Variants in KMT2C observed in about 807,000 individuals in gnomAD.
KMT2C encodes histone-lysine N-methyltransferase 2C.
Under a neutral mutation model 507.9 loss-of-function variants are expected in KMT2C, and 88 were observed. The observed-to-expected ratio is 0.17, with a 90% CI of 0.15 to 0.21. The LOEUF (loss-of-function observed/expected upper bound fraction) is 0.21. Ranked by LOEUF, KMT2C falls within the 10% of genes least tolerant of loss-of-function variation. KMT2C has a pLI of 1.00. For synonymous variants in KMT2C, 2,049 were observed against 2,080.8 expected (o/e 0.98, Z 0.42); for missense variants, 4,954 against 5,957.8 (o/e 0.83, Z 5.55).
At chr7:152,243,600 G>A (rs1288081746) in intron 14 of KMT2C, among the ~76,000 whole-genome samples, 2 of 152,010 alleles carry the variant, frequency 1.3e-5, no homozygotes, top group East Asian at 3.9e-4. Context: ...TAACCAATAT[G>A]GCGAAACACC....
intron 1 of KMT2C, among the ~76,000 whole-genome samples, chr7:152,381,506 A>C (rs1038149464): frequency 3.3e-5 from 5 of 152,206 alleles, no homozygotes; most frequent in Non-Finnish European, 7.3e-5. Context: ...AAATCTGTTC[A>C]AGAGCAACAC....
chr7:152,176,493 A>T lies in KMT2C; in HGVS notation c.8960T>A (p.Val2987Glu), dbSNP rs2129113142. Residue 2987 changes from valine to glutamate, a missense_variant, in exon 38 of 59, where the codon GTG becomes GAG. This residue lies in a region of KMT2C where 1,689 missense variants were observed against 1,654.3 expected (regional missense o/e 1.02). Transcript: ENST00000262189. ...TGGAATGAGCCCTGGGTTTACCTGC[A>T]CACCCTGAGAAAAAACATGGTTTAC... ...SRVNHVFSQG[V>E]QVNPGLIPGQ... 6.2e-7 allele frequency: 1 copy of T among 1,614,144 alleles called. No homozygotes were observed. The highest frequency in any genetic ancestry group is 1.1e-5 in the South Asian group (1 of 91,082).
intron 55 of KMT2C, among the ~76,000 whole-genome samples, chr7:152,143,763 A>C (rs2090835337): frequency 6.6e-6 from 1 of 152,264 alleles, no homozygotes; most frequent in Admixed American, 6.5e-5. Context: ...ATCAATAAAG[A>C]GAAGATCCTA....
chr7:152,173,060 G>A (rs2093036634), intron 39 of KMT2C, among the ~76,000 whole-genome samples: 1 of 150,994 alleles, frequency 6.6e-6, no homozygotes, highest in Non-Finnish European at 1.5e-5. Context: ...ACATAAAACA[G>A]TTAGGAATCT....
chr7:152,358,562 C>G (rs2129231348), intron 2 of KMT2C, 25 bp downstream of exon 2: 1 of 1,392,794 alleles, frequency 7.2e-7, no homozygotes, highest in African/African-American at 1.4e-5. Context: ...ATTATACATT[C>G]TTATAAATTC....
intron 7 of KMT2C, among the ~76,000 whole-genome samples, chr7:152,265,760 A>C (rs2095849411): frequency 6.6e-6 from 1 of 152,076 alleles, no homozygotes; most frequent in Non-Finnish European, 1.5e-5. Flanking sequence ...CCTTATGTGG[A>C]AGAACATTAA....
chr7:152,144,097 G>A lies in KMT2C; in HGVS notation c.14343+616C>T, dbSNP rs917552156. Among the ~76,000 whole-genome samples, 5 of 152,208 alleles carry A rather than the reference G, an allele frequency of 3.3e-5. No individual in the cohort carries two copies. The highest frequency in any genetic ancestry group is 1.3e-4 in the Admixed American group (2 of 15,284). On this transcript the variant is annotated intron_variant, in intron 55 of 58. Transcript: ENST00000262189. This position sits in a 1 kb window ranked among gnomAD's most constrained non-coding sequence, Gnocchi z 4.4. Reference sequence around the variant, plus strand: ...CTCAGCAAGGAGCTTGTAGGATGGCGGGGTTTAGGAGCTGGACAAGTTTGA... The same window carrying A: ...CTCAGCAAGGAGCTTGTAGGATGGCAGGGTTTAGGAGCTGGACAAGTTTGA...
At chr7:152,392,999 T>C (rs1292478985) in intron 1 of KMT2C, among the ~76,000 whole-genome samples, 2 of 151,930 alleles carry the variant, frequency 1.3e-5, no homozygotes, top group Admixed American at 6.6e-5. Flanking sequence ...GGAGGCTGAG[T>C]AGAGGGAGGA....
chr7:152,397,780 A>G (rs1453703576), intron 1 of KMT2C, among the ~76,000 whole-genome samples: 2 of 152,118 alleles, frequency 1.3e-5, no homozygotes, highest in South Asian at 2.1e-4. Context: ...TTGTAAGAGG[A>G]AACACCTTTC....
chr7:152,264,582 CAT>C (rs2095832321), intron 8 of KMT2C, among the ~76,000 whole-genome samples: 2 of 152,152 alleles, frequency 1.3e-5, no homozygotes, highest in African/African-American at 4.8e-5. Flanking sequence ...AATTCAAACA[CAT>C]GACTGATTTT....
intron 18 of KMT2C, among the ~76,000 whole-genome samples, chr7:152,227,588 G>C (rs2094971186): frequency 6.6e-6 from 1 of 152,214 alleles, no homozygotes; most frequent in African/African-American, 2.4e-5. Context: ...TTTCCAGAAT[G>C]CTGCCCAGGG....
chr7:152,322,049 T>C (rs2096777436), intron 3 of KMT2C, among the ~76,000 whole-genome samples: 1 of 150,362 alleles, frequency 6.7e-6, no homozygotes, highest in South Asian at 2.1e-4. Context: ...AATAGTATGG[T>C]ACTGGCACCA....
Position 152,218,460 on chromosome 7 carries a change from C to T in KMT2C, c.3712+2063G>A, listed in dbSNP as rs1232890918. Among the ~76,000 whole-genome samples, 5 of 152,156 alleles carry T rather than the reference C, an allele frequency of 3.3e-5. No individual in the cohort carries two copies. The East Asian group carries it at 5.8e-4, about 18-fold the overall frequency. ...ATTACAGATTATAGGCATGAGCCACCGAGCCCGGCCACAAATGACATACCT... is the reference window on the plus strand; with the variant it reads ...ATTACAGATTATAGGCATGAGCCACTGAGCCCGGCCACAAATGACATACCT... On this transcript the variant is annotated intron_variant, in intron 23 of 58. Coordinates refer to ENST00000262189, the MANE Select transcript of KMT2C (RefSeq NM_170606.3).
intron 11 of KMT2C, among the ~76,000 whole-genome samples, chr7:152,251,567 T>C (rs1157429313): frequency 6.6e-6 from 1 of 152,114 alleles, no homozygotes; most frequent in Non-Finnish European, 1.5e-5. Flanking sequence ...GAAAAGGTGA[T>C]AATTAACTTA....
At chr7:152,251,887 G>A in intron 11 of KMT2C, 52 bp downstream of exon 11, 2 of 1,372,326 alleles carry the variant, frequency 1.5e-6, no homozygotes, top group Non-Finnish European at 2.0e-6. Context: ...TGATACAATG[G>A]CACAACATTA....
intron 16 of KMT2C, among the ~76,000 whole-genome samples, chr7:152,231,128 C>T (rs902973220): frequency 6.6e-6 from 1 of 152,078 alleles, no homozygotes; most frequent in South Asian, 2.1e-4. Context: ...ATGTGGTTCT[C>T]ATTATATTTC....
intron 3 of KMT2C, among the ~76,000 whole-genome samples, chr7:152,324,682 T>A (rs1013631671): frequency 6.6e-6 from 1 of 151,960 alleles, no homozygotes; most frequent in Non-Finnish European, 1.5e-5. Context: ...CACAGACCCA[T>A]GTAATTTTAT....
At position 152,165,908 on chromosome 7, in the gene KMT2C, G is replaced by A. The variant is rs942440540; in HGVS notation, c.9750+1238C>T. On this transcript the variant is annotated intron_variant, in intron 42 of 58. Coordinates refer to ENST00000262189, the MANE Select transcript of KMT2C (RefSeq NM_170606.3). ...TTTGCCACGTTGGCCAGCTGGTCTC[G>A]AACTCCTGGCCTCAGGTGATCCGCC... 4.6e-5 allele frequency among the ~76,000 whole-genome samples: 7 copies of A among 152,120 alleles called. No homozygotes were observed. The East Asian group carries it at 1.2e-3, about 25-fold the overall frequency.
At chr7:152,274,702 C>T (rs1416475752) in intron 6 of KMT2C, among the ~76,000 whole-genome samples, 2 of 152,180 alleles carry the variant, frequency 1.3e-5, no homozygotes, top group African/African-American at 4.8e-5. Flanking sequence ...CTGTACTATA[C>T]AGTATGACAT....
Sources: gnomAD v4.1 joint callset for allele counts (sites outside exome capture counted in the v4.1 genomes callset) on GRCh38, gnomAD v4.1.1 for gene constraint, gnomAD v4.1.1 regional missense constraint, Gnocchi (gnomAD v3.1) non-coding constraint, MANE v1.5 for transcripts, NCBI Gene and HGNC (gene_info 2026-07-23, HGNC 2026-07-21) for gene names.